Variants in TSHZ3 observed in about 807,000 individuals in gnomAD.
The protein encoded by TSHZ3 is teashirt zinc finger homeobox 3.
In TSHZ3, 10 loss-of-function variants were observed where a neutral mutation model predicts 64.5. That is an observed-to-expected ratio of 0.16 (90% CI 0.10 to 0.26). TSHZ3 has a LOEUF of 0.26. Among genes scored for constraint, TSHZ3 ranks in the 10% least tolerant of loss-of-function variants. The probability of loss-of-function intolerance (pLI) is 1.00; values close to 1 mark genes in which losing one functional copy is unlikely to be tolerated. For missense variants in TSHZ3, 1,242 were observed against 1,421.7 expected (o/e 0.87, Z 2.03); for synonymous variants, 608 against 593.1 (o/e 1.03, Z -0.36).
At chr19:31,231,264 G>A (rs566029486) in intron 3 of TSHZ3, among the ~76,000 whole-genome samples, 5 of 152,094 alleles carry the variant, frequency 3.3e-5, no homozygotes, top group African/African-American at 9.6e-5. Context: ...ATGGTGGCAC[G>A]ATGATGTGAT....
chr19:31,164,744 G>C (rs1339359313), intron 5 of TSHZ3, among the ~76,000 whole-genome samples: 2 of 152,144 alleles, frequency 1.3e-5, no homozygotes, highest in Non-Finnish European at 2.9e-5. Context: ...AGCTCTCCCC[G>C]GGGTGAGGTG....
chr19:31,342,867 G>T (rs1056549537), intron 1 of TSHZ3, among the ~76,000 whole-genome samples: 9 of 152,218 alleles, frequency 5.9e-5, no homozygotes, highest in African/African-American at 2.2e-4. Context: ...CTGGTGGAAG[G>T]GAGAGGGCAG....
At chr19:31,181,779 C>T (rs958130788) in intron 5 of TSHZ3, among the ~76,000 whole-genome samples, 1 of 152,146 alleles carries the variant, frequency 6.6e-6, no homozygotes, top group Non-Finnish European at 1.5e-5. Context: ...TTTGTTGTTG[C>T]TGGACATTTT....
In TSHZ3 at chr19:31,340,338, C is replaced by CAAAAAAA. The variant is rs1160334453; in HGVS notation, c.40+8835_40+8841dup. On this transcript the variant is annotated intron_variant, in intron 1 of 1. Transcript: ENST00000240587. Reference sequence around the variant, plus strand: ...ATTAATTAGCAACAGGCCTACAGTACAAAAAAAAAAAAAAAAAAAAAAAAA... The same window carrying CAAAAAAA: ...ATTAATTAGCAACAGGCCTACAGTACAAAAAAAAAAAAAAAAAAAAAAAAAAAAAAAA... Among the ~76,000 whole-genome samples the CAAAAAAA allele has an allele frequency of 1.3e-3, 43 of 32,756 alleles. 9 individuals carry two copies. The highest frequency in any genetic ancestry group is 6.8e-3 in the South Asian group (3 of 438). The allele number at this position is 32,756 out of a possible 152,430, so 21.5% of individuals were successfully genotyped here. A position where few individuals can be genotyped will look rare whatever the true frequency, so the allele number is the denominator to read the frequency against.
chr19:31,309,150 T>C (rs1357426050), intron 1 of TSHZ3, among the ~76,000 whole-genome samples: 1 of 152,240 alleles, frequency 6.6e-6, no homozygotes, highest in East Asian at 1.9e-4. Flanking sequence ...GCAGACACAA[T>C]GCCGGAAGGC....
At chr19:31,350,200 C>T (rs2021674729), upstream of TSHZ3, among the ~76,000 whole-genome samples, 1 of 150,768 alleles carries the variant, frequency 6.6e-6, no homozygotes, top group African/African-American at 2.4e-5. Flanking sequence ...GGGCAGGCCC[C>T]CTCCAGGGAG....
intron 1 of TSHZ3, among the ~76,000 whole-genome samples, chr19:31,332,144 C>T (rs1917114791): frequency 6.6e-6 from 1 of 152,158 alleles, no homozygotes; most frequent in Non-Finnish European, 1.5e-5. Context: ...TCTCTTGCTT[C>T]CTTCAGCTGT....
intron 1 of TSHZ3, among the ~76,000 whole-genome samples, chr19:31,258,244 T>C (rs1347509402): frequency 1.3e-5 from 2 of 152,174 alleles, no homozygotes; most frequent in African/African-American, 4.8e-5. Context: ...TCCCTGGCTC[T>C]TGGGGCCTGC....
At chr19:31,304,802 G>C (rs1376098387) in intron 1 of TSHZ3, among the ~76,000 whole-genome samples, 1 of 152,228 alleles carries the variant, frequency 6.6e-6, no homozygotes, top group East Asian at 1.9e-4. Flanking sequence ...GGGAGTCTTT[G>C]TTGAATGCAC....
At chr19:31,230,101 C>T (rs1975519024) in intron 3 of TSHZ3, among the ~76,000 whole-genome samples, 1 of 151,824 alleles carries the variant, frequency 6.6e-6, no homozygotes, top group Non-Finnish European at 1.5e-5. Context: ...AAAAATGTTC[C>T]CTGGAAGGTT....
chr19:31,220,656 C>G (rs908341852), intron 4 of TSHZ3, among the ~76,000 whole-genome samples: 7 of 152,084 alleles, frequency 4.6e-5, no homozygotes, highest in Admixed American at 1.3e-4. Context: ...CCTTTCTATT[C>G]AGCTGGCAGG....
chr19:31,316,337 C>A (rs1476498802), intron 1 of TSHZ3, among the ~76,000 whole-genome samples: 5 of 152,218 alleles, frequency 3.3e-5, no homozygotes, highest in Non-Finnish European at 7.3e-5. Flanking sequence ...TGCTTGTATG[C>A]ATGAATTAAA....
downstream of TSHZ3, among the ~76,000 whole-genome samples, chr19:31,273,706 A>G (rs1976177934): frequency 6.6e-6 from 1 of 152,236 alleles, no homozygotes; most frequent in South Asian, 2.1e-4. Flanking sequence ...CCTGAGACGC[A>G]TTCTGTGGGG....
In TSHZ3 at chr19:31,219,796, G is replaced by GAT. The variant is rs1469735937; in HGVS notation, n.686+8207_686+8208dup. On this transcript the variant is annotated intron_variant and non_coding_transcript_variant, in intron 4 of 6. Coordinates refer to the TSHZ3 transcript ENST00000651361. The stretch of plus-strand genomic sequence containing the variant: ...CCAGAAGTGAATATATATGTGTATA[G>GAT]ATATATATATGTATATATATAAAAA... Among the ~76,000 whole-genome samples, 4 of 148,900 alleles carry GAT rather than the reference G, an allele frequency of 2.7e-5. No individual in the cohort carries two copies. The East Asian group carries it at 5.9e-4, about 22-fold the overall frequency.
chr19:31,291,900 A>G (rs1976572505), intron 1 of TSHZ3, among the ~76,000 whole-genome samples: 2 of 152,178 alleles, frequency 1.3e-5, no homozygotes, highest in Admixed American at 1.3e-4. Context: ...GTTGACAGCA[A>G]TCAGTTTGTC....
At chr19:31,296,863 A>G (rs1247757452) in intron 1 of TSHZ3, among the ~76,000 whole-genome samples, 1 of 152,178 alleles carries the variant, frequency 6.6e-6, no homozygotes, top group East Asian at 1.9e-4. Context: ...AGAATGCCAA[A>G]GGGCCTGGGA....
intron 5 of TSHZ3, among the ~76,000 whole-genome samples, chr19:31,198,884 A>G (rs1975031290): frequency 6.6e-6 from 1 of 152,184 alleles, no homozygotes; most frequent in Non-Finnish European, 1.5e-5. Flanking sequence ...CACAATCCTA[A>G]TCAAAATCCC....
intron 6 of TSHZ3, among the ~76,000 whole-genome samples, chr19:31,155,582 C>T (rs1203864545): frequency 3.3e-5 from 5 of 152,312 alleles, no homozygotes; most frequent in African/African-American, 7.2e-5. Flanking sequence ...TCTAGGGCCT[C>T]GGGGCCCAGA....
rs1326905957 is a variant in TSHZ3 at position 31,277,148 on chromosome 19, G to A, written c.2645C>T (p.Ala882Val). ...CTTCTGGGCGGGCGTCGACTCCTCA[G>A]CCTCCTCCAGAGTGGCCCCGTCAAT... ...SDIDGATLEE[A>V]EESTPAQKRK... Residue 882 changes from alanine to valine, a missense_variant, in exon 2 of 2, where the codon GCT (alanine) becomes GTT (valine). Coordinates refer to ENST00000240587, the MANE Select transcript of TSHZ3 (RefSeq NM_020856.4). The surrounding 1 kb of genome is among the most constrained non-coding windows in gnomAD (Gnocchi z 4.5). The A allele has an allele frequency of 5.0e-6, 8 of 1,612,298 alleles. No individual in the cohort carries two copies. Among genetic ancestry groups the A allele is most frequent in the Non-Finnish European group, 5.1e-6 (6 of 1,178,780 alleles).
Sources: gnomAD v4.1 joint callset for allele counts (sites outside exome capture counted in the v4.1 genomes callset) on GRCh38, gnomAD v4.1.1 for gene constraint, Gnocchi (gnomAD v3.1) non-coding constraint, MANE v1.5 for transcripts, NCBI Gene and HGNC (gene_info 2026-07-23, HGNC 2026-07-21) for gene names.